SRGAP1: variants seen among roughly 807,000 people sequenced by gnomAD.
SRGAP1 encodes SLIT-ROBO Rho GTPase-activating protein 1.
SRGAP1 carries 43 observed loss-of-function variants against 121.9 expected under a neutral mutation model. That is an observed-to-expected ratio of 0.35 (90% CI 0.28 to 0.46). The LOEUF is 0.46. Among genes scored for constraint, SRGAP1 ranks in the 20% least tolerant of loss-of-function variants. The pLI, the probability that SRGAP1 is intolerant of heterozygous loss-of-function variation, is 1.00. For missense variants in SRGAP1, 1,102 were observed against 1,350.9 expected, an observed-to-expected ratio of 0.82 and a Z score of 2.89; for synonymous variants, 447 against 485.4, an observed-to-expected ratio of 0.92 and a Z score of 1.04.
intron 1 of SRGAP1, among the ~76,000 whole-genome samples, chr12:63,895,184 G>A (rs1900715294): frequency 6.6e-6 from 1 of 152,140 alleles, no homozygotes; most frequent in Non-Finnish European, 1.5e-5. Context: ...TCAAGATATG[G>A]CTTGGTAGCT....
intron 2 of SRGAP1, among the ~76,000 whole-genome samples, chr12:63,988,475 G>A (rs1205455908): frequency 6.6e-6 from 1 of 152,160 alleles, no homozygotes; most frequent in Non-Finnish European, 1.5e-5. Flanking sequence ...TGGGAAGAAT[G>A]GGAGGCTGCC....
intron 1 of SRGAP1, among the ~76,000 whole-genome samples, chr12:63,973,677 A>G (rs2033019320): frequency 1.3e-5 from 2 of 152,242 alleles, no homozygotes; most frequent in Non-Finnish European, 2.9e-5. Context: ...AATAGCTTTA[A>G]TTTGAAAAAG....
intron 1 of SRGAP1, among the ~76,000 whole-genome samples, chr12:63,956,456 G>T (rs957319517): frequency 1.3e-5 from 2 of 152,140 alleles, no homozygotes; most frequent in African/African-American, 4.8e-5. Context: ...CATAAATTGT[G>T]CAAGGAGGCA....
At position 64,127,992 on chromosome 12, in the gene SRGAP1, G is replaced by C. The variant is rs1382545603; in HGVS notation, c.2672G>C (p.Ser891Thr). ...SVDLGSPSLA[S>T]HPRGLLQNRG... ...GACCTAGGGTCCCCAAGCCTTGCCA[G>C]TCACCCCCGGGGCCTGCTGCAGAAC... is the stretch of plus-strand genomic sequence containing the variant. Residue 891 changes from serine to threonine, a missense_variant, in exon 21 of 22, where the codon AGT becomes ACT. By Grantham distance (58) the Ser-to-Thr change is moderately conservative. Transcript: ENST00000355086. The C allele has an allele frequency of 6.2e-7, 1 of 1,614,216 alleles. No homozygotes were observed.
At chr12:64,030,422 C>T (rs1040134648) in intron 4 of SRGAP1, among the ~76,000 whole-genome samples, 3 of 152,220 alleles carry the variant, frequency 2.0e-5, no homozygotes, top group African/African-American at 7.2e-5. Flanking sequence ...TATAAGTACA[C>T]TTTACTTTCA....
In SRGAP1 at chr12:64,142,683, AG is replaced by A. The variant is rs757221280; in HGVS notation, c.*12del. The stretch of plus-strand genomic sequence containing the variant: ...TCATGCACAATGTAAAAACCAGCCA[AG>A]CAAGGCCATAAAGGGAGGTGACTTA... On this transcript the variant is annotated 3_prime_UTR_variant, in exon 22 of 22. Transcript: ENST00000355086. The A allele has an allele frequency of 3.9e-5, 63 of 1,598,180 alleles. No homozygotes were observed. The highest frequency in any genetic ancestry group is 5.3e-5 in the Non-Finnish European group (62 of 1,169,316).
At position 64,109,052 on chromosome 12, in the gene SRGAP1, G is replaced by T; in HGVS notation, c.1919+15G>T. 3 of 1,485,144 alleles carry T rather than the reference G, an allele frequency of 2.0e-6. No homozygotes were observed. The highest frequency in any genetic ancestry group is 2.7e-6 in the Non-Finnish European group (3 of 1,094,112). The allele number at this position is 1,485,144 out of a possible 1,614,324, so 92.0% of individuals were successfully genotyped here. On this transcript the variant is annotated intron_variant, in intron 16 of 21. Coordinates refer to ENST00000355086, the MANE Select transcript of SRGAP1 (RefSeq NM_020762.4). Reference sequence around the variant, plus strand: ...TTCCTCAATCAGTAAGTACCTGAATGCTCTGACAAAAGGCCCATCTGAATT... The same window carrying T: ...TTCCTCAATCAGTAAGTACCTGAATTCTCTGACAAAAGGCCCATCTGAATT...
chr12:64,023,633 G>A (rs888388721), intron 4 of SRGAP1, among the ~76,000 whole-genome samples: 1 of 152,190 alleles, frequency 6.6e-6, no homozygotes, highest in Non-Finnish European at 1.5e-5. Context: ...TTAATTGTGT[G>A]TAATTGATTA....
At chr12:63,913,454 CATATATATATAT>C (rs570506869) in intron 1 of SRGAP1, among the ~76,000 whole-genome samples, 7 of 124,114 alleles carry the variant, frequency 5.6e-5, no homozygotes. Flanking sequence ...ACTGTGTCCA[CATATATATATAT>C]ATATATATAT....
chr12:63,945,269 T>G (rs1414694185), intron 1 of SRGAP1, among the ~76,000 whole-genome samples: 11 of 150,856 alleles, frequency 7.3e-5, no homozygotes, highest in East Asian at 1.9e-4. Context: ...TTCTGTTTGT[T>G]TTTTTTTTTT....
At chr12:64,037,447 A>G (rs1426963624) in intron 4 of SRGAP1, among the ~76,000 whole-genome samples, 1 of 152,228 alleles carries the variant, frequency 6.6e-6, no homozygotes, top group African/African-American at 2.4e-5. Flanking sequence ...GCCATCCTGC[A>G]TATCTCCACC....
intron 21 of SRGAP1, among the ~76,000 whole-genome samples, chr12:64,135,762 G>A (rs699631): frequency 0.011 from 1,638 of 152,238 alleles, 33 homozygotes; most frequent in African/African-American, 0.036. Flanking sequence ...TTAATATTCT[G>A]TCCCTCTAGA....
rs150051611 is a variant in SRGAP1 at position 63,848,383 on chromosome 12, CTG to C, written c.67+3503_67+3504del. Among the ~76,000 whole-genome samples the C allele has an allele frequency of 5.1e-3, 769 of 152,150 alleles. 11 individuals are homozygous for C. The highest frequency in any genetic ancestry group is 0.018 in the African/African-American group (735 of 41,506). ...ACAGACTTCATGGGGCTATTCTTAACTGTGAAAAGAACCATTCCTGGTGATAA... is the reference window on the plus strand; with the variant it reads ...ACAGACTTCATGGGGCTATTCTTAACTGAAAAGAACCATTCCTGGTGATAA... On this transcript the variant is annotated intron_variant, in intron 1 of 21. Transcript: ENST00000355086.
At position 63,991,467 on chromosome 12, in the gene SRGAP1, A is replaced by G. The variant is rs79071727; in HGVS notation, c.426+1395A>G. On this transcript the variant is annotated intron_variant, in intron 3 of 21. Transcript: ENST00000355086. ...TAAATAGAAAAACAAATTTCAAACA[A>G]AGGAGAAACTTTAAAAATTGAAACT... Among the ~76,000 whole-genome samples the G allele has an allele frequency of 7.8e-3, 1,195 of 152,352 alleles. 19 individuals carry two copies. The highest frequency in any genetic ancestry group is 0.027 in the African/African-American group (1,140 of 41,586).
intron 4 of SRGAP1, among the ~76,000 whole-genome samples, chr12:64,020,078 A>G (rs528363911): frequency 2.5e-4 from 38 of 152,150 alleles, no homozygotes; most frequent in Middle Eastern, 3.4e-3. Context: ...TGACAGCCTT[A>G]TGTTTGGACT....
chr12:63,922,075 T>C (rs2031076850), intron 1 of SRGAP1, among the ~76,000 whole-genome samples: 2 of 151,910 alleles, frequency 1.3e-5, no homozygotes, highest in Admixed American at 1.3e-4. Context: ...CCCTGCCGGC[T>C]TCCAGTGATT....
chr12:64,130,177 C>T (rs2136641122), intron 21 of SRGAP1, among the ~76,000 whole-genome samples: 1 of 152,290 alleles, frequency 6.6e-6, no homozygotes, highest in African/African-American at 2.4e-5. Flanking sequence ...TTTTTACCTG[C>T]ATCGTGGAGT....
intron 11 of SRGAP1, among the ~76,000 whole-genome samples, chr12:64,087,527 A>ATCCT (rs2035970840): frequency 6.6e-6 from 1 of 152,084 alleles, no homozygotes; most frequent in Non-Finnish European, 1.5e-5. Context: ...TGAGGTCAGG[A>ATCCT]GCTCACGACC....
intron 21 of SRGAP1, among the ~76,000 whole-genome samples, chr12:64,136,273 G>A (rs568811035): frequency 5.9e-5 from 9 of 152,254 alleles, no homozygotes; most frequent in Admixed American, 5.2e-4. Flanking sequence ...AAGCTGAGGC[G>A]AGAGAGTTGC....
Sources: gnomAD v4.1 joint callset for allele counts (sites outside exome capture counted in the v4.1 genomes callset) on GRCh38, gnomAD v4.1.1 for gene constraint, MANE v1.5 for transcripts, NCBI Gene and HGNC (gene_info 2026-07-23, HGNC 2026-07-21) for gene names.